Variants in CD84 observed in about 807,000 individuals in gnomAD.
The protein encoded by CD84 is SLAM family member 5.
CD84 carries 22 observed loss-of-function variants against 33.8 expected under a neutral mutation model. That is an observed-to-expected ratio of 0.65 (90% CI 0.46 to 0.93). The LOEUF (loss-of-function observed/expected upper bound fraction) is 0.93. Among genes scored for constraint, CD84 ranks in the 40% least tolerant of loss-of-function variants. CD84 has a pLI of 0.00. For missense variants in CD84, 400 were observed against 397.6 expected (o/e 1.01, Z -0.05); for synonymous variants, 154 against 145.2 (o/e 1.06, Z -0.44).
intron 2 of CD84, among the ~76,000 whole-genome samples, chr1:160,555,674 C>T (rs931459347): frequency 2.0e-5 from 3 of 152,202 alleles, no homozygotes; most frequent in Middle Eastern, 3.4e-3. Context: ...ATAAGTTCAG[C>T]GCCCTCTCAG....
Position 160,547,161 on chromosome 1 carries a change from C to T in CD84, c.*1095G>A, listed in dbSNP as rs929879133. 2 of 398,788 alleles carry T rather than the reference C, an allele frequency of 5.0e-6. No homozygotes were observed. The highest frequency in any genetic ancestry group is 4.4e-5 in the Admixed American group (1 of 22,718). The allele number at this position is 398,788 out of a possible 1,614,324, so 24.7% of individuals were successfully genotyped here. A position where few individuals can be genotyped will look rare whatever the true frequency, so the allele number is the denominator to read the frequency against. Reference sequence around the variant, plus strand: ...GCATGCCAGGGTGGCGGCACTCTGCCTCAGCTTAAACTCTAGTTCTCTGAG... The same window carrying T: ...GCATGCCAGGGTGGCGGCACTCTGCTTCAGCTTAAACTCTAGTTCTCTGAG... On this transcript the variant is annotated 3_prime_UTR_variant, in exon 7 of 7. Transcript: ENST00000368054.
chr1:160,564,489 A>G (rs1326511180), intron 2 of CD84, among the ~76,000 whole-genome samples: 1 of 152,236 alleles, frequency 6.6e-6, no homozygotes, highest in East Asian at 1.9e-4. Flanking sequence ...TATTTGTAAT[A>G]GCCCCAAACT....
intron 2 of CD84, among the ~76,000 whole-genome samples, chr1:160,562,364 G>C (rs1274860756): frequency 6.6e-6 from 1 of 152,022 alleles, no homozygotes; most frequent in African/African-American, 2.4e-5. Flanking sequence ...CACGGCACTG[G>C]TACAAAAACA....
chr1:160,572,944 G>A (rs968469501), intron 1 of CD84, among the ~76,000 whole-genome samples: 2 of 152,098 alleles, frequency 1.3e-5, no homozygotes, highest in African/African-American at 4.8e-5. Context: ...TTGCTCACTG[G>A]AGGTTGCCTT....
intron 1 of CD84, among the ~76,000 whole-genome samples, chr1:160,576,971 G>T (rs1658023841): frequency 6.6e-6 from 1 of 152,102 alleles, no homozygotes; most frequent in African/African-American, 2.4e-5. Flanking sequence ...TATATGTAGA[G>T]GGGGTGGGCA....
chr1:160,564,136 T>C (rs773493068), intron 2 of CD84, among the ~76,000 whole-genome samples: 72 of 152,200 alleles, frequency 4.7e-4, no homozygotes, highest in Non-Finnish European at 9.4e-4. Flanking sequence ...TCCCAGTGAA[T>C]TGTGGCAATT....
At chr1:160,568,646 ACT>A (rs1327153266) in intron 1 of CD84, among the ~76,000 whole-genome samples, 16 of 152,014 alleles carry the variant, frequency 1.1e-4, no homozygotes, top group Admixed American at 5.2e-4. Context: ...ACAAAGTCTC[ACT>A]CTCTCACTGT....
chr1:160,550,606 C>T lies in CD84; in HGVS notation c.858+332G>A, dbSNP rs1027247880. The T allele has an allele frequency of 7.1e-6, 7 of 985,114 alleles. No individual in the cohort carries two copies. The African/African-American group carries it at 1.2e-4, about 17-fold the overall frequency. 61.0% of individuals were successfully genotyped at this position (985,114 alleles called of 1,614,324 possible). On this transcript the variant is annotated intron_variant, in intron 5 of 6. Transcript: ENST00000368054. ...CCACGTTGGTAGTCACATAGCAGCC[C>T]TCACCTCACTCCAGTAGCTCCTCTG...
chr1:160,576,492 T>C (rs1180788447), intron 1 of CD84, among the ~76,000 whole-genome samples: 1 of 152,214 alleles, frequency 6.6e-6, no homozygotes, highest in Non-Finnish European at 1.5e-5. Context: ...CTTCCTCCTC[T>C]GTGGGTGGGT....
At chr1:160,554,292 T>C in intron 2 of CD84, 146 bp from the exon 3 acceptor site, 1 of 913,028 alleles carries the variant, frequency 1.1e-6, no homozygotes. Context: ...ATGTTAAAAA[T>C]AAAGATAATA....
In CD84 at chr1:160,544,184, C is replaced by G. The variant is rs1487344809; in HGVS notation, c.*4072G>C. The G allele has an allele frequency of 2.2e-5, 3 of 134,224 alleles. No homozygotes were observed. The highest frequency in any genetic ancestry group is 8.3e-5 in the Admixed American group (1 of 12,010). 8.3% of individuals were successfully genotyped at this position (134,224 alleles called of 1,614,324 possible). A position where few individuals can be genotyped will look rare whatever the true frequency, so the allele number is the denominator to read the frequency against. On this transcript the variant is annotated 3_prime_UTR_variant, in exon 7 of 7. Transcript: ENST00000368054. ...TTTTTTTTTGAGACGGAGTCTCACT[C>G]TCTCGCCCAGGCTGGAGTGCAGTGG...
Position 160,551,041 on chromosome 1 carries a change from TCA to T in CD84, c.761-8_761-7del. ...GGTTTTCTTTGAGGCAGCATCTGTC[TCA>T]CAAATAAATATAGACCCACAGTCTG... On this transcript the variant is annotated splice_polypyrimidine_tract_variant and splice_region_variant and intron_variant, in intron 4 of 6. Coordinates refer to ENST00000368054, the MANE Select transcript of CD84 (RefSeq NM_003874.4). 6.2e-7 allele frequency: 1 copy of T among 1,604,520 alleles called. No homozygotes were observed. The highest frequency in any genetic ancestry group is 8.5e-7 in the Non-Finnish European group (1 of 1,171,204).
At chr1:160,552,469 T>A (rs1272766208) in intron 4 of CD84, among the ~76,000 whole-genome samples, 1 of 152,256 alleles carries the variant, frequency 6.6e-6, no homozygotes, top group Non-Finnish European at 1.5e-5. Flanking sequence ...TTTGTATTTC[T>A]AATTCCATTT....
At position 160,545,806 on chromosome 1, in the gene CD84, A is replaced by G. The variant is rs1299912980; in HGVS notation, c.*2450T>C. 6.6e-6 allele frequency: 1 copy of G among 151,514 alleles called. No individual in the cohort carries two copies. Among genetic ancestry groups the G allele is most frequent in the Non-Finnish European group, 1.5e-5 (1 of 67,984 alleles). The allele number at this position is 151,514 out of a possible 1,614,324, so 9.4% of individuals were successfully genotyped here. A position where few individuals can be genotyped will look rare whatever the true frequency, so the allele number is the denominator to read the frequency against. ...CACCACGCCCAGCTAATTTTTTTGT[A>G]TTTTAAGTACAGATGGGGTTTTGCC... On this transcript the variant is annotated 3_prime_UTR_variant, in exon 7 of 7. Coordinates refer to ENST00000368054, the MANE Select transcript of CD84 (RefSeq NM_003874.4).
intron 5 of CD84, 29 bp downstream of exon 5, chr1:160,550,908 CA>C (rs1297776771): frequency 1.9e-6 from 3 of 1,610,452 alleles, no homozygotes; most frequent in Admixed American, 1.7e-5. Context: ...GATGGTGGCA[CA>C]GGGGTGTCCA....
chr1:160,548,130 A>T lies in CD84; in HGVS notation c.*126T>A. On this transcript the variant is annotated 3_prime_UTR_variant, in exon 7 of 7. Transcript: ENST00000368054. ...CAGCAGAAGGTTTCCTGCTTTGCTT[A>T]CAGGCTGAGATGTGGCAGTTTGCAA... 1.0e-6 allele frequency: 1 copy of T among 962,264 alleles called. No individual in the cohort carries two copies. Among genetic ancestry groups the T allele is most frequent in the Non-Finnish European group, 1.6e-6 (1 of 615,588 alleles). 59.6% of individuals were successfully genotyped at this position (962,264 alleles called of 1,614,324 possible).
At chr1:160,572,640 C>T (rs977421997) in intron 1 of CD84, among the ~76,000 whole-genome samples, 15 of 152,012 alleles carry the variant, frequency 9.9e-5, no homozygotes, top group Admixed American at 3.9e-4. Flanking sequence ...TGAAGGGGAT[C>T]AAGTGTTTGC....
intron 5 of CD84, among the ~76,000 whole-genome samples, chr1:160,550,453 G>A (rs1656132982): frequency 6.6e-6 from 1 of 152,110 alleles, no homozygotes. Flanking sequence ...GGGCGGATGG[G>A]AGGAGGGGTG....
rs764195681 is a variant in CD84, at chr1:160,548,322, C to G, written c.922-1G>C. 6 of 1,614,048 alleles carry G rather than the reference C, an allele frequency of 3.7e-6. No individual in the cohort carries two copies. The highest frequency in any genetic ancestry group is 5.1e-6 in the Non-Finnish European group (6 of 1,180,034). On this transcript the variant is annotated splice_acceptor_variant, in intron 6 of 6. Transcript: ENST00000368054. LOFTEE classifies it high-confidence loss of function. The stretch of plus-strand genomic sequence containing the variant: ...TGTCCTGTGTGCTGGCTTTCCCCAT[C>G]TGTGCAGGAGAGAAGCGTGAGAAAA...
Sources: allele counts gnomAD v4.1 joint callset (sites outside exome capture counted in the v4.1 genomes callset), GRCh38; gene constraint gnomAD v4.1.1; transcripts MANE v1.5; gene names NCBI Gene and HGNC (gene_info 2026-07-23, HGNC 2026-07-21).